PCDH7: variants seen among roughly 807,000 people sequenced by gnomAD.
The protein encoded by PCDH7 is protocadherin-7.
A neutral mutation model predicts 58.9 loss-of-function variants in PCDH7; 17 were observed. The ratio of observed to expected loss-of-function variants is 0.29; its 90% CI spans 0.20 to 0.43. PCDH7 has a LOEUF of 0.43. Among genes scored for constraint, PCDH7 ranks in the 20% least tolerant of loss-of-function variants. PCDH7 has a pLI of 1.00. For missense variants in PCDH7, 1,274 were observed against 1,441.0 expected, an observed-to-expected ratio of 0.88 and a Z score of 1.88; for synonymous variants, 664 against 616.4, an observed-to-expected ratio of 1.08 and a Z score of -1.14.
intron 3 of PCDH7, among the ~76,000 whole-genome samples, chr4:31,064,921 T>C (rs1757964949): frequency 6.6e-6 from 1 of 152,028 alleles, no homozygotes; most frequent in Non-Finnish European, 1.5e-5. Context: ...TTTCATAGCT[T>C]ATTTCATCTA....
intron 3 of PCDH7, among the ~76,000 whole-genome samples, chr4:30,974,391 T>TC (rs1553921681): frequency 6.6e-6 from 1 of 151,614 alleles, no homozygotes; most frequent in African/African-American, 2.4e-5. Context: ...GGTTTTTTTT[T>TC]CTCTCTCTTT....
At chr4:31,112,032 C>T (rs559453040) in intron 3 of PCDH7, among the ~76,000 whole-genome samples, 1 of 152,290 alleles carries the variant, frequency 6.6e-6, no homozygotes, top group South Asian at 2.1e-4. Flanking sequence ...AATAAGCATT[C>T]TATAAATGTG....
At chr4:30,898,697 T>G (rs972460231) in intron 1 of PCDH7, among the ~76,000 whole-genome samples, 2 of 152,172 alleles carry the variant, frequency 1.3e-5, no homozygotes, top group African/African-American at 4.8e-5. Context: ...TTCACACCAG[T>G]GTCCTGCGTG....
intron 1 of PCDH7, among the ~76,000 whole-genome samples, chr4:30,838,188 T>C (rs2109336189): frequency 6.6e-6 from 1 of 152,194 alleles, no homozygotes; most frequent in African/African-American, 2.4e-5. Flanking sequence ...AAATTAATGT[T>C]CTAATGTGCT....
intron 3 of PCDH7, among the ~76,000 whole-genome samples, chr4:31,029,559 A>G (rs903421981): frequency 6.6e-6 from 1 of 152,218 alleles, no homozygotes; most frequent in Non-Finnish European, 1.5e-5. Context: ...ATAACGGTTT[A>G]GCACTGACAA....
intron 3 of PCDH7, among the ~76,000 whole-genome samples, chr4:31,112,960 T>A (rs1716508031): frequency 6.6e-6 from 1 of 152,188 alleles, no homozygotes; most frequent in South Asian, 2.1e-4. Context: ...AATTTCAGTA[T>A]AATTGCTCAG....
chr4:30,886,719 A>G (rs2109377875), intron 1 of PCDH7, among the ~76,000 whole-genome samples: 2 of 151,856 alleles, frequency 1.3e-5, no homozygotes, highest in Middle Eastern at 6.8e-3. Flanking sequence ...ACTTGGAACC[A>G]ACTCAAACGT....
chr4:30,794,341 G>T (rs1467870226), intron 1 of PCDH7, among the ~76,000 whole-genome samples: 2 of 152,156 alleles, frequency 1.3e-5, no homozygotes, highest in African/African-American at 4.8e-5. Flanking sequence ...TTTGTTAATT[G>T]CTGGAAGCTG....
intron 1 of PCDH7, among the ~76,000 whole-genome samples, chr4:30,800,581 C>G (rs555322212): frequency 5.9e-5 from 9 of 152,024 alleles, no homozygotes; most frequent in Non-Finnish European, 1.2e-4. Flanking sequence ...TATAGCAAGA[C>G]AGAGATAGAC....
At chr4:30,894,926 C>T (rs1428227544) in intron 1 of PCDH7, among the ~76,000 whole-genome samples, 1 of 151,356 alleles carries the variant, frequency 6.6e-6, no homozygotes, top group Non-Finnish European at 1.5e-5. Context: ...TATGCAAAAC[C>T]TCTAGCATGT....
intron 3 of PCDH7, among the ~76,000 whole-genome samples, chr4:30,977,438 G>T (rs1436914529): frequency 1.3e-5 from 2 of 152,088 alleles, no homozygotes; most frequent in Non-Finnish European, 1.5e-5. Context: ...ATGTCAGAAC[G>T]AGACCAACCT....
intron 3 of PCDH7, among the ~76,000 whole-genome samples, chr4:31,034,501 A>G (rs544340203): frequency 4.2e-4 from 64 of 152,362 alleles, no homozygotes; most frequent in Admixed American, 1.8e-3. Flanking sequence ...TTCTGAAAAC[A>G]CATTTTTACA....
chr4:30,769,751 T>A (rs1167392063), intron 1 of PCDH7, among the ~76,000 whole-genome samples: 1 of 152,224 alleles, frequency 6.6e-6, no homozygotes, highest in Non-Finnish European at 1.5e-5. Flanking sequence ...TATGTTTATC[T>A]TACATAATTC....
At chr4:31,109,087 A>G (rs1243887243) in intron 3 of PCDH7, among the ~76,000 whole-genome samples, 1 of 152,194 alleles carries the variant, frequency 6.6e-6, no homozygotes, top group Non-Finnish European at 1.5e-5. Flanking sequence ...CATGACAGAA[A>G]TGACACAAGT....
intron 1 of PCDH7, among the ~76,000 whole-genome samples, chr4:30,817,025 T>C (rs1727771555): frequency 6.6e-6 from 1 of 152,196 alleles, no homozygotes; most frequent in Non-Finnish European, 1.5e-5. Context: ...AGAGAAGTCA[T>C]TAACAATACC....
At chr4:31,096,805 G>C (rs1714046554) in intron 3 of PCDH7, among the ~76,000 whole-genome samples, 1 of 152,034 alleles carries the variant, frequency 6.6e-6, no homozygotes, top group African/African-American at 2.4e-5. Flanking sequence ...GTTTATTATT[G>C]AGTTTATTGT....
intron 3 of PCDH7, among the ~76,000 whole-genome samples, chr4:30,970,533 T>A (rs1325405316): frequency 2.0e-5 from 3 of 151,936 alleles, no homozygotes; most frequent in African/African-American, 7.3e-5. Flanking sequence ...GACCTAGTGA[T>A]CCCCCCGCCT....
At chr4:30,987,391 TTC>T (rs1560556887) in intron 3 of PCDH7, among the ~76,000 whole-genome samples, 1 of 152,140 alleles carries the variant, frequency 6.6e-6, no homozygotes, top group East Asian at 1.9e-4. Context: ...CCTCAAAAGC[TTC>T]TAAGTACAGA....
At chr4:31,120,642 T>G (rs775653174) in intron 3 of PCDH7, among the ~76,000 whole-genome samples, 1 of 152,048 alleles carries the variant, frequency 6.6e-6, no homozygotes, top group Non-Finnish European at 1.5e-5. Flanking sequence ...AGAATCTCAT[T>G]TGTTCGCTGC....
Sources: gnomAD v4.1 joint callset for allele counts (sites outside exome capture counted in the v4.1 genomes callset) on GRCh38, gnomAD v4.1.1 for gene constraint, MANE v1.5 for transcripts, NCBI Gene and HGNC (gene_info 2026-07-23, HGNC 2026-07-21) for gene names.